FHIT: variants seen among roughly 807,000 people sequenced by gnomAD.
FHIT encodes fragile histidine triad diadenosine triphosphatase.
FHIT carries 19 observed loss-of-function variants against 17.9 expected under a neutral mutation model. The ratio of observed to expected loss-of-function variants is 1.06; its 90% confidence interval spans 0.74 to 1.56. The LOEUF (loss-of-function observed/expected upper bound fraction) is 1.56. Ranked by LOEUF, FHIT falls within the 40% of genes most tolerant of loss-of-function variation. FHIT has a pLI of 0.00. For missense variants in FHIT, 248 were observed against 189.2 expected (o/e 1.31, Z -1.82); for synonymous variants, 81 against 69.7 (o/e 1.16, Z -0.81).
intron 3 of FHIT, among the ~76,000 whole-genome samples, chr3:60,861,204 T>TATATATCATATATATC (rs1553752380): frequency 1.3e-3 from 1 of 782 alleles, no homozygotes; most frequent in African/African-American, 6.8e-3. Flanking sequence ...TCATATATGA[T>TATATATCATATATATC]ATATATGATA....
chr3:60,453,573 T>C (rs940551405), intron 5 of FHIT, among the ~76,000 whole-genome samples: 1 of 152,128 alleles, frequency 6.6e-6, no homozygotes, highest in Admixed American at 6.6e-5. Flanking sequence ...CTATGGGTCA[T>C]GTCTATGCCT....
chr3:61,095,108 C>T (rs976327671), intron 2 of FHIT, among the ~76,000 whole-genome samples: 3 of 152,130 alleles, frequency 2.0e-5, no homozygotes, highest in East Asian at 1.9e-4. Flanking sequence ...TCTCTAACTA[C>T]GTATGGCACA....
At position 61,227,265 on chromosome 3, in the gene FHIT, C is replaced by T. The variant is rs539392044; in HGVS notation, c.-213+24036G>A. 4.6e-5 allele frequency among the ~76,000 whole-genome samples: 7 copies of T among 152,194 alleles called. 1 individual carries two copies. In the South Asian group the frequency reaches 1.5e-3, roughly 32 times the overall value. On this transcript the variant is annotated intron_variant, in intron 1 of 9. Coordinates refer to ENST00000492590, the MANE Select transcript of FHIT (RefSeq NM_002012.4). ...TCTACCATTGGGACTTATTGTCTTTCCTTATTTCAATCCCTAGTTTAGAAA... is the reference window on the plus strand; with the variant it reads ...TCTACCATTGGGACTTATTGTCTTTTCTTATTTCAATCCCTAGTTTAGAAA...
chr3:61,079,350 T>G (rs377685817), intron 2 of FHIT, among the ~76,000 whole-genome samples: 7 of 152,166 alleles, frequency 4.6e-5, no homozygotes, highest in African/African-American at 1.7e-4. Context: ...TTGAGGACAC[T>G]ATAGTGTTTC....
chr3:60,061,967 A>G (rs1019842801), intron 5 of FHIT, among the ~76,000 whole-genome samples: 2 of 152,196 alleles, frequency 1.3e-5, no homozygotes, highest in Non-Finnish European at 2.9e-5. Context: ...AGACTGACTT[A>G]CTGCTAGAAG....
chr3:60,866,828 C>CTGGT (rs1457691283), intron 3 of FHIT, among the ~76,000 whole-genome samples: 1 of 152,138 alleles, frequency 6.6e-6, no homozygotes, highest in African/African-American at 2.4e-5. Context: ...TGCACACAAG[C>CTGGT]ACCAAGTCAT....
At chr3:59,754,498 C>CATCTT (rs113166576) in intron 8 of FHIT, among the ~76,000 whole-genome samples, 2 of 152,122 alleles carry the variant, frequency 1.3e-5, no homozygotes, top group South Asian at 2.1e-4. Flanking sequence ...GTTATAAATC[C>CATCTT]ATCTTATCTT....
chr3:60,621,276 G>T (rs973268250), intron 4 of FHIT, among the ~76,000 whole-genome samples: 4 of 148,426 alleles, frequency 2.7e-5, no homozygotes, highest in Admixed American at 1.4e-4. Context: ...AGCCTCCCAA[G>T]TACCTGTGAT....
At chr3:60,243,471 G>T (rs963007063) in intron 5 of FHIT, among the ~76,000 whole-genome samples, 1 of 152,074 alleles carries the variant, frequency 6.6e-6, no homozygotes, top group Non-Finnish European at 1.5e-5. Flanking sequence ...CTTGACCTGT[G>T]CCTGCATACA....
intron 2 of FHIT, among the ~76,000 whole-genome samples, chr3:61,189,240 G>C (rs1485144843): frequency 6.6e-6 from 1 of 152,120 alleles, no homozygotes; most frequent in Non-Finnish European, 1.5e-5. Flanking sequence ...CTAAGTCTCA[G>C]GATACAAAAT....
At chr3:59,910,475 C>T (rs1202592542) in intron 8 of FHIT, among the ~76,000 whole-genome samples, 1 of 152,146 alleles carries the variant, frequency 6.6e-6, no homozygotes, top group Non-Finnish European at 1.5e-5. Context: ...CACATTTCCC[C>T]CCCTTCTCTT....
At chr3:60,957,025 A>T (rs1575750576) in intron 3 of FHIT, among the ~76,000 whole-genome samples, 1 of 152,122 alleles carries the variant, frequency 6.6e-6, no homozygotes, top group Admixed American at 6.6e-5. Context: ...TGGATTATGC[A>T]CTACTTTACA....
At chr3:60,063,377 T>C (rs1446219558) in intron 5 of FHIT, among the ~76,000 whole-genome samples, 2 of 152,294 alleles carry the variant, frequency 1.3e-5, no homozygotes, top group Non-Finnish European at 2.9e-5. Context: ...TACATCACCA[T>C]AGCATATGGA....
intron 5 of FHIT, among the ~76,000 whole-genome samples, chr3:60,047,779 A>G (rs976793300): frequency 2.0e-5 from 3 of 152,228 alleles, no homozygotes; most frequent in Non-Finnish European, 2.9e-5. Flanking sequence ...ACTCAGTGCC[A>G]TACTAAGAGT....
chr3:60,174,720 A>G (rs1454586505), intron 5 of FHIT, among the ~76,000 whole-genome samples: 1 of 152,160 alleles, frequency 6.6e-6, no homozygotes, highest in African/African-American at 2.4e-5. Context: ...GCATTTATTA[A>G]TATCAATTCA....
chr3:60,331,891 G>A (rs996004775), intron 5 of FHIT, among the ~76,000 whole-genome samples: 1 of 150,806 alleles, frequency 6.6e-6, no homozygotes, highest in Non-Finnish European at 1.5e-5. Flanking sequence ...ATACTCTACT[G>A]ACACTCCAGG....
intron 4 of FHIT, among the ~76,000 whole-genome samples, chr3:60,561,136 T>C (rs576806779): frequency 6.6e-6 from 1 of 152,048 alleles, no homozygotes; most frequent in East Asian, 2.0e-4. Context: ...CCTACTGTTG[T>C]ACACCAAACC....
At chr3:60,444,357 G>A (rs1208504889) in intron 5 of FHIT, among the ~76,000 whole-genome samples, 1 of 152,078 alleles carries the variant, frequency 6.6e-6, no homozygotes, top group Non-Finnish European at 1.5e-5. Flanking sequence ...TATATCCAAA[G>A]GATTATAAAT....
intron 5 of FHIT, among the ~76,000 whole-genome samples, chr3:60,361,605 A>T (rs1699908938): frequency 6.6e-6 from 1 of 152,188 alleles, no homozygotes; most frequent in African/African-American, 2.4e-5. Context: ...CTACTGAGTC[A>T]GTTATGTAGG....
Sources: gnomAD v4.1 joint callset for allele counts (sites outside exome capture counted in the v4.1 genomes callset) on GRCh38, gnomAD v4.1.1 for gene constraint, MANE v1.5 for transcripts, NCBI Gene and HGNC (gene_info 2026-07-23, HGNC 2026-07-21) for gene names.